PHACTR4: variants seen among roughly 807,000 people sequenced by gnomAD.
The protein encoded by PHACTR4 is protein phosphatase 1, regulatory subunit 124.
In PHACTR4, 51 loss-of-function variants were observed where a neutral mutation model predicts 72.7. The ratio of observed to expected loss-of-function variants is 0.70; its 90% CI spans 0.56 to 0.89. The LOEUF is 0.89. Ranked by LOEUF, PHACTR4 falls within the 40% of genes least tolerant of loss-of-function variation. The pLI is 0.00. For synonymous variants in PHACTR4, 255 were observed against 302.5 expected, an observed-to-expected ratio of 0.84 and a Z score of 1.63; for missense variants, 731 against 861.8, an observed-to-expected ratio of 0.85 and a Z score of 1.90.
intron 2 of PHACTR4, among the ~76,000 whole-genome samples, chr1:28,418,017 A>C (rs1188246172): frequency 2.0e-5 from 3 of 151,824 alleles, no homozygotes; most frequent in African/African-American, 7.3e-5. Context: ...ACACATCTAT[A>C]GTCCCAGCTA....
rs144597161 is a variant in PHACTR4 at position 28,484,078 on chromosome 1, G to C, written c.1760+3474G>C. Reference sequence around the variant, plus strand: ...TGGCTCACACCTGTAATCCCAGCACGTTTGAAGGCCGAGGCAGGTGGATCA... The same window carrying C: ...TGGCTCACACCTGTAATCCCAGCACCTTTGAAGGCCGAGGCAGGTGGATCA... On this transcript the variant is annotated intron_variant, in intron 9 of 13. Transcript: ENST00000373839. Among the ~76,000 whole-genome samples, 1,510 of 151,782 alleles carry C rather than the reference G, an allele frequency of 9.9e-3. 11 individuals carry two copies. The highest frequency in any genetic ancestry group is 0.015 in the Non-Finnish European group (1,049 of 67,894).
intron 4 of PHACTR4, among the ~76,000 whole-genome samples, chr1:28,464,614 C>G (rs1374491157): frequency 6.6e-6 from 1 of 152,184 alleles, no homozygotes; most frequent in East Asian, 1.9e-4. Flanking sequence ...ATGATTTCTT[C>G]TTCATTCCTA....
intron 1 of PHACTR4, among the ~76,000 whole-genome samples, chr1:28,391,838 C>T (rs61783807): frequency 0.39 from 58,532 of 151,656 alleles, 12,983 homozygotes; most frequent in African/African-American, 0.6. Flanking sequence ...AACTCCCAAC[C>T]TCAGGTGATC....
intron 9 of PHACTR4, among the ~76,000 whole-genome samples, chr1:28,488,314 G>A (rs994761040): frequency 2.0e-5 from 3 of 151,716 alleles, no homozygotes; most frequent in African/African-American, 4.8e-5. Context: ...TGGCTAACAC[G>A]GTGAAACCCC....
Position 28,497,707 on chromosome 1 carries a change from C to T in PHACTR4, c.*1158C>T, listed in dbSNP as rs1661442371. On this transcript the variant is annotated 3_prime_UTR_variant, in exon 14 of 14. Transcript: ENST00000373839. The stretch of plus-strand genomic sequence containing the variant: ...CTTGCAAAAAAAAAAAAAAAAAAAG[C>T]CTTAGCCAGATTCAGTGGCTCACGC... 7.2e-6 allele frequency: 1 copy of T among 139,040 alleles called. No individual in the cohort carries two copies. Among genetic ancestry groups the T allele is most frequent in the Non-Finnish European group, 1.5e-5 (1 of 65,138 alleles). The allele number at this position is 139,040 out of a possible 1,614,324, so 8.6% of individuals were successfully genotyped here. A position where few individuals can be genotyped will look rare whatever the true frequency, so the allele number is the denominator to read the frequency against.
chr1:28,468,206 T>C (rs1311718505), intron 6 of PHACTR4, among the ~76,000 whole-genome samples: 1 of 152,200 alleles, frequency 6.6e-6, no homozygotes, highest in Non-Finnish European at 1.5e-5. Context: ...AGCTTTCACA[T>C]ACTTATTTTC....
At chr1:28,433,449 T>C (rs964572466) in intron 2 of PHACTR4, among the ~76,000 whole-genome samples, 1 of 134,450 alleles carries the variant, frequency 7.4e-6, no homozygotes, top group Non-Finnish European at 1.6e-5. Context: ...TTCTTTCTTT[T>C]TTTTCTTTTT....
At chr1:28,440,070 G>A (rs1223297789) in intron 2 of PHACTR4, among the ~76,000 whole-genome samples, 1 of 152,010 alleles carries the variant, frequency 6.6e-6, no homozygotes, top group Non-Finnish European at 1.5e-5. Context: ...GGGAGGCCGA[G>A]GCAGGCGGAT....
chr1:28,487,374 T>A (rs866673803), intron 9 of PHACTR4, among the ~76,000 whole-genome samples: 18 of 150,562 alleles, frequency 1.2e-4, no homozygotes, highest in Middle Eastern at 3.4e-3. Flanking sequence ...TAAAAAAAAA[T>A]AAAAATAAAA....
intron 1 of PHACTR4, among the ~76,000 whole-genome samples, chr1:28,392,644 C>G (rs771981052): frequency 4.0e-5 from 6 of 151,866 alleles, no homozygotes; most frequent in Non-Finnish European, 5.9e-5. Flanking sequence ...CCACCCACCT[C>G]AGCCTCCCAA....
At chr1:28,449,655 C>T (rs1429309428) in intron 2 of PHACTR4, among the ~76,000 whole-genome samples, 5 of 151,974 alleles carry the variant, frequency 3.3e-5, no homozygotes, top group Admixed American at 6.6e-5. Flanking sequence ...AGTTTGAGAC[C>T]AGCCTGGCCA....
intron 2 of PHACTR4, chr1:28,438,466 A>G: frequency 6.2e-7 from 1 of 1,610,000 alleles, no homozygotes; most frequent in South Asian, 1.1e-5. Context: ...GAAAATCTTG[A>G]CAGAAGCAAG....
intron 2 of PHACTR4, among the ~76,000 whole-genome samples, chr1:28,441,257 G>A (rs964573267): frequency 6.7e-6 from 1 of 150,304 alleles, no homozygotes; most frequent in Non-Finnish European, 1.5e-5. Context: ...AAATATTTGT[G>A]TGTGTGAAAA....
At position 28,466,403 on chromosome 1, in the gene PHACTR4, A is replaced by C; in HGVS notation, c.458A>C (p.Asn153Thr). Reference protein sequence around the residue: ...KRLGSTGSQPNSEAESVPENV... With the variant: ...KRLGSTGSQPTSEAESVPENV... Reference sequence around the variant, plus strand: ...ACAGGCTCAACTGGAAGCCAGCCTAATTCTGAAGCAGAGTCTGTTCCTGAG... The same window carrying C: ...ACAGGCTCAACTGGAAGCCAGCCTACTTCTGAAGCAGAGTCTGTTCCTGAG... Residue 153 changes from asparagine to threonine, a missense_variant, in exon 6 of 14, where the codon AAT becomes ACT. Physicochemically the swap from Asn to Thr is moderately conservative, Grantham distance 65. Transcript: ENST00000373839. 6.2e-7 allele frequency: 1 copy of C among 1,611,818 alleles called. No individual in the cohort carries two copies. The highest frequency in any genetic ancestry group is 8.5e-7 in the Non-Finnish European group (1 of 1,178,054).
At chr1:28,433,480 G>GTT (rs1656420126) in intron 2 of PHACTR4, among the ~76,000 whole-genome samples, 1 of 121,290 alleles carries the variant, frequency 8.2e-6, no homozygotes, top group Non-Finnish European at 1.7e-5. Flanking sequence ...TTTTTTTTGA[G>GTT]ACAGTCTCGC....
chr1:28,484,824 CG>C (rs1295970232), intron 9 of PHACTR4, among the ~76,000 whole-genome samples: 1 of 151,528 alleles, frequency 6.6e-6, no homozygotes, highest in African/African-American at 2.4e-5. Context: ...AAAATTTAGC[CG>C]GGTGGTGGCA....
In PHACTR4 at chr1:28,404,664, C is replaced by T. The variant is rs572097610; in HGVS notation, c.-38-2746C>T. On this transcript the variant is annotated intron_variant, in intron 1 of 13. Coordinates refer to ENST00000373839, the MANE Select transcript of PHACTR4 (RefSeq NM_001048183.3). ...ACTCTATGTTTAACTGTTTGGGGAACTGTTACTCTTCCAAATCGGCTACAT... is the reference window on the plus strand; with the variant it reads ...ACTCTATGTTTAACTGTTTGGGGAATTGTTACTCTTCCAAATCGGCTACAT... Among the ~76,000 whole-genome samples, 103 of 152,266 alleles carry T rather than the reference C, an allele frequency of 6.8e-4. 1 individual carries two copies. The highest frequency in any genetic ancestry group is 2.5e-3 in the Admixed American group (38 of 15,284).
intron 2 of PHACTR4, among the ~76,000 whole-genome samples, chr1:28,449,498 C>T (rs1657773709): frequency 6.6e-6 from 1 of 152,078 alleles, no homozygotes; most frequent in African/African-American, 2.4e-5. Context: ...TTAATGAATA[C>T]TTTATCCGAA....
chr1:28,455,550 C>T (rs1017091730), intron 2 of PHACTR4, among the ~76,000 whole-genome samples: 2 of 152,086 alleles, frequency 1.3e-5, no homozygotes, highest in Non-Finnish European at 2.9e-5. Context: ...AAATGTCTGC[C>T]TCTGTCTCTT....
Sources: allele counts gnomAD v4.1 joint callset (sites outside exome capture counted in the v4.1 genomes callset), GRCh38; gene constraint gnomAD v4.1.1; transcripts MANE v1.5; gene names NCBI Gene and HGNC (gene_info 2026-07-23, HGNC 2026-07-21).